CMIP: variants seen among roughly 807,000 people sequenced by gnomAD.
The protein encoded by CMIP is c-Maf inducing protein, also known as C-Maf-inducing protein.
Under a neutral mutation model 97.3 loss-of-function variants are expected in CMIP, and 13 were observed. The ratio of observed to expected loss-of-function variants is 0.13; its 90% CI spans 0.09 to 0.21. The LOEUF (loss-of-function observed/expected upper bound fraction) is 0.21. Among genes scored for constraint, CMIP ranks in the 10% least tolerant of loss-of-function variants. The pLI is 1.00. For synonymous variants in CMIP, 538 were observed against 436.3 expected (o/e 1.23, Z -2.91); for missense variants, 847 against 1,024.9 (o/e 0.83, Z 2.37).
At chr16:81,704,154 C>G (rs991847337) in intron 18 of CMIP, 69 bp downstream of exon 18, 1 of 1,402,214 alleles carries the variant, frequency 7.1e-7, no homozygotes, top group African/African-American at 1.5e-5. Flanking sequence ...CCTCCCTATT[C>G]CCCCGTACCA....
At chr16:81,594,572 G>T (rs1203564097) in intron 1 of CMIP, among the ~76,000 whole-genome samples, 7 of 152,098 alleles carry the variant, frequency 4.6e-5, no homozygotes, top group Non-Finnish European at 7.4e-5. Flanking sequence ...TATATACACT[G>T]TGTTTTTTCC....
At chr16:81,680,500 T>C (rs998652729) in intron 10 of CMIP, among the ~76,000 whole-genome samples, 10 of 152,212 alleles carry the variant, frequency 6.6e-5, no homozygotes, top group Non-Finnish European at 2.9e-5. Flanking sequence ...TCCTCTGCCC[T>C]GGCTTTGGCC....
intron 1 of CMIP, among the ~76,000 whole-genome samples, chr16:81,500,869 T>TGTGCC (rs2089597181): frequency 6.6e-6 from 1 of 152,128 alleles, no homozygotes; most frequent in Non-Finnish European, 1.5e-5. Context: ...CTTCTTTGCA[T>TGTGCC]GTGCCAAGCC....
chr16:81,566,598 G>T (rs2090987845), intron 1 of CMIP, among the ~76,000 whole-genome samples: 1 of 152,322 alleles, frequency 6.6e-6, no homozygotes, highest in East Asian at 1.9e-4. Flanking sequence ...CTTGGCAGGG[G>T]TCTAATGCAT....
intron 9 of CMIP, among the ~76,000 whole-genome samples, chr16:81,676,848 C>T (rs1215190644): frequency 6.6e-6 from 1 of 152,116 alleles, no homozygotes; most frequent in Non-Finnish European, 1.5e-5. Context: ...AAACACAATG[C>T]CAGCTGTGTG....
chr16:81,603,246 G>A (rs148800967), intron 1 of CMIP, among the ~76,000 whole-genome samples: 7,533 of 151,894 alleles, frequency 0.05, 340 homozygotes, highest in East Asian at 0.29. Flanking sequence ...CGCCTGGCTC[G>A]TTTTTTTAGT....
At chr16:81,666,300 C>G (rs974238409) in intron 7 of CMIP, 8 of 152,176 alleles carry the variant, frequency 5.3e-5, no homozygotes, top group Non-Finnish European at 8.8e-5. Flanking sequence ...CAGAGCCACA[C>G]CCCCGGGACA....
At chr16:81,554,732 T>C (rs2090727474) in intron 1 of CMIP, among the ~76,000 whole-genome samples, 1 of 152,208 alleles carries the variant, frequency 6.6e-6, no homozygotes, top group Non-Finnish European at 1.5e-5. Flanking sequence ...TTTATTCTTC[T>C]CTGGGCCTCA....
At chr16:81,456,764 T>C (rs575079216) in intron 1 of CMIP, among the ~76,000 whole-genome samples, 4 of 152,274 alleles carry the variant, frequency 2.6e-5, no homozygotes, top group African/African-American at 9.6e-5. Flanking sequence ...CAAAGCAGAA[T>C]GTCAGAAAGG....
chr16:81,562,892 G>C (rs1316530304), intron 1 of CMIP, among the ~76,000 whole-genome samples: 1 of 152,190 alleles, frequency 6.6e-6, no homozygotes, highest in Non-Finnish European at 1.5e-5. Flanking sequence ...CAGGGCTTTT[G>C]GAATCCAAAG....
rs1033790339 is a variant in CMIP at position 81,453,739 on chromosome 16, C to T, written c.300+8198C>T. On this transcript the variant is annotated intron_variant, in intron 1 of 20. Transcript: ENST00000537098. This position sits in a 1 kb window ranked among gnomAD's most constrained non-coding sequence, Gnocchi z 4.0. The stretch of plus-strand genomic sequence containing the variant: ...AGTTCTTGCAGTCCTGCAGGGGTCT[C>T]CCGAGGGTTCTGCCCCCTCTTTTTC... 6.6e-6 allele frequency among the ~76,000 whole-genome samples: 1 copy of T among 152,230 alleles called. No homozygotes were observed. Among genetic ancestry groups the T allele is most frequent in the Non-Finnish European group, 1.5e-5 (1 of 68,030 alleles).
rs563961422 is a variant in CMIP, at chr16:81,498,108, C to G, written c.300+52567C>G. 2.6e-5 allele frequency among the ~76,000 whole-genome samples: 4 copies of G among 152,346 alleles called. No individual in the cohort carries two copies. In the South Asian group the frequency reaches 8.3e-4, roughly 32 times the overall value. On this transcript the variant is annotated intron_variant, in intron 1 of 20. Coordinates refer to ENST00000537098, the MANE Select transcript of CMIP (RefSeq NM_198390.3). ...GTGGCTCTGAGGACAGAGGTCAGAC[C>G]CAGCTGGGTTGGAACCTGCTGCTCC...
intron 1 of CMIP, among the ~76,000 whole-genome samples, chr16:81,502,709 T>G (rs999322142): frequency 2.0e-5 from 3 of 152,240 alleles, no homozygotes; most frequent in African/African-American, 7.2e-5. Flanking sequence ...CCCATTGCTT[T>G]GTTTGGCAAA....
chr16:81,575,655 A>G (rs796815954), intron 1 of CMIP, among the ~76,000 whole-genome samples: 28 of 152,250 alleles, frequency 1.8e-4, no homozygotes, highest in African/African-American at 6.7e-4. Context: ...TGCTCCAGTT[A>G]CTGCCAACGG....
Position 81,709,741 on chromosome 16 carries a change from C to G in CMIP, c.2269-5C>G, listed in dbSNP as rs770611067. On this transcript the variant is annotated splice_region_variant and splice_polypyrimidine_tract_variant and intron_variant, in intron 20 of 20. Transcript: ENST00000537098. ...CGTGACAAGGACTCTTATTGCCACCCCCAGGCCAAGCTTCCCAATTTGAAG... is the reference window on the plus strand; with the variant it reads ...CGTGACAAGGACTCTTATTGCCACCGCCAGGCCAAGCTTCCCAATTTGAAG... 2 of 1,613,912 alleles carry G rather than the reference C, an allele frequency of 1.2e-6. No homozygotes were observed. The highest frequency in any genetic ancestry group is 2.2e-5 in the South Asian group (2 of 91,056).
intron 1 of CMIP, among the ~76,000 whole-genome samples, chr16:81,589,223 A>G (rs181493533): frequency 1.4e-4 from 21 of 152,122 alleles, no homozygotes; most frequent in African/African-American, 5.1e-4. Context: ...CAGCTTCCCA[A>G]GTAGCTGGGA....
chr16:81,447,061 C>T (rs1269809123), intron 1 of CMIP, among the ~76,000 whole-genome samples: 1 of 152,206 alleles, frequency 6.6e-6, no homozygotes, highest in African/African-American at 2.4e-5. Flanking sequence ...GCGCCACAGG[C>T]CGCAGCATTT....
Position 81,705,491 on chromosome 16 carries a change from C to T in CMIP, c.2092-8C>T, listed in dbSNP as rs1407791395. 6.3e-7 allele frequency: 1 copy of T among 1,586,494 alleles called. No homozygotes were observed. The highest frequency in any genetic ancestry group is 2.3e-5 in the East Asian group (1 of 43,726). ...CGGGAGAGGGCTGAGAGTTTCTGTG[C>T]TCTACAGTTTGGAGACGCTGGCCTT... On this transcript the variant is annotated splice_region_variant and splice_polypyrimidine_tract_variant and intron_variant, in intron 18 of 20. Coordinates refer to ENST00000537098, the MANE Select transcript of CMIP (RefSeq NM_198390.3).
intron 13 of CMIP, among the ~76,000 whole-genome samples, chr16:81,693,846 G>T (rs1906395386): frequency 2.0e-5 from 3 of 152,164 alleles, no homozygotes; most frequent in African/African-American, 7.2e-5. Context: ...CAAGGAATCT[G>T]AGCTGGGATT....
Sources: allele counts gnomAD v4.1 joint callset (sites outside exome capture counted in the v4.1 genomes callset), GRCh38; gene constraint gnomAD v4.1.1; non-coding constraint Gnocchi (gnomAD v3.1); transcripts MANE v1.5; gene names NCBI Gene and HGNC (gene_info 2026-07-23, HGNC 2026-07-21).